The following SDK2 variants were observed in gnomAD, a reference collection of about 807,000 sequenced individuals.
SDK2 encodes the protein sidekick cell adhesion molecule 2.
SDK2 carries 105 observed loss-of-function variants against 253.9 expected under a neutral mutation model. The observed-to-expected ratio is 0.41, with a 90% CI of 0.35 to 0.49. SDK2 has a LOEUF of 0.49. Ranked by LOEUF, SDK2 falls within the 20% of genes least tolerant of loss-of-function variation. The pLI is 0.06. For synonymous variants in SDK2, 1,249 were observed against 1,234.9 expected, an observed-to-expected ratio of 1.01 and a Z score of -0.24; for missense variants, 2,608 against 3,003.0, an observed-to-expected ratio of 0.87 and a Z score of 3.07.
chr17:73,432,448 GTGGATGTGTTTATTTCCA>G (rs950885107), intron 10 of SDK2, among the ~76,000 whole-genome samples: 33 of 152,278 alleles, frequency 2.2e-4, no homozygotes, highest in African/African-American at 7.2e-4. Context: ...AGTGTGCTGG[GTGGATGTGTTTATTTCCA>G]TGTGTAAGCA....
In SDK2 at chr17:73,470,014, A is replaced by G. The variant is rs1442048892; in HGVS notation, c.331+2098T>C. ...CGCGCACACACACACACACACACAC[A>G]CACACACACACACACACACAGAGGT... On this transcript the variant is annotated intron_variant, in intron 3 of 44. Transcript: ENST00000392650. Among the ~76,000 whole-genome samples the G allele has an allele frequency of 2.1e-4, 32 of 151,760 alleles. No homozygotes were observed. The South Asian group carries it at 6.3e-3, about 30-fold the overall frequency.
intron 1 of SDK2, among the ~76,000 whole-genome samples, chr17:73,548,538 C>T (rs979213889): frequency 7.9e-5 from 12 of 152,370 alleles, no homozygotes; most frequent in East Asian, 1.9e-4. Context: ...ACACAGAAAC[C>T]GATGCCAAGG....
chr17:73,412,084 GTATA>G (rs2063140189), intron 18 of SDK2, among the ~76,000 whole-genome samples: 3 of 114,554 alleles, frequency 2.6e-5, no homozygotes, highest in African/African-American at 3.7e-5. Flanking sequence ...ATATGTATAT[GTATA>G]TATACGTATA....
Position 73,361,737 on chromosome 17 carries a change from G to C in SDK2, c.5414C>G (p.Thr1805Ser), listed in dbSNP as rs959233679. Reference protein sequence around the residue: ...VTYRFRIRAKTFTYGPEIEAN... With the variant: ...VTYRFRIRAKSFTYGPEIEAN... ...TTCGATCTCCGGCCCGTAGGTGAAG[G>C]TCTTGGCTCTGATGCGGAACCTGTA... is the stretch of plus-strand genomic sequence containing the variant. Residue 1805 changes from threonine to serine, a missense_variant, in exon 39 of 45, where the codon ACC becomes AGC. Thr to Ser is a moderately conservative substitution (Grantham distance 58). Transcript: ENST00000392650. The surrounding 1 kb of genome is among the most constrained non-coding windows in gnomAD (Gnocchi z 4.1). The C allele has an allele frequency of 1.2e-6, 2 of 1,613,534 alleles. No individual in the cohort carries two copies. The highest frequency in any genetic ancestry group is 1.3e-5 in the African/African-American group (1 of 74,910).
At chr17:73,515,537 G>A (rs554008416) in intron 1 of SDK2, among the ~76,000 whole-genome samples, 47 of 152,352 alleles carry the variant, frequency 3.1e-4, no homozygotes, top group African/African-American at 1.1e-3. Flanking sequence ...CAGGGGGTGA[G>A]GGTTTCAGGT....
chr17:73,475,722 G>GA (rs1370622180), intron 2 of SDK2, among the ~76,000 whole-genome samples: 14 of 152,204 alleles, frequency 9.2e-5, no homozygotes, highest in Non-Finnish European at 1.8e-4. Flanking sequence ...AAAAGCACGC[G>GA]ATAGCAAGAT....
At position 73,509,902 on chromosome 17, in the gene SDK2, C is replaced by CAAAAAAAAAAAAAAAAAAAAAAA. The variant is rs71157018; in HGVS notation, c.65-2306_65-2305insTTTTTTTTTTTTTTTTTTTTTTT. 6.0e-3 allele frequency among the ~76,000 whole-genome samples: 153 copies of CAAAAAAAAAAAAAAAAAAAAAAA among 25,328 alleles called. 18 individuals carry two copies. The highest frequency in any genetic ancestry group is 7.1e-3 in the Admixed American group (16 of 2,248). 16.6% of individuals were successfully genotyped at this position (25,328 alleles called of 152,430 possible). A position where few individuals can be genotyped will look rare whatever the true frequency, so the allele number is the denominator to read the frequency against. ...GCAACAGAGCAAGACTCCATCTCTA[C>CAAAAAAAAAAAAAAAAAAAAAAA]AAAAAAAAAAAAAAAAAAAAGAAGG... On this transcript the variant is annotated intron_variant, in intron 1 of 44. Transcript: ENST00000392650.
rs936634093 is a variant in SDK2 at position 73,612,583 on chromosome 17, G to A, written c.64+31442C>T. 8.5e-5 allele frequency among the ~76,000 whole-genome samples: 13 copies of A among 152,190 alleles called. No individual in the cohort carries two copies. Among genetic ancestry groups the A allele is most frequent in the African/African-American group, 2.4e-4 (10 of 41,510 alleles). On this transcript the variant is annotated intron_variant, in intron 1 of 44. Transcript: ENST00000392650. The surrounding 1 kb of genome is among the most constrained non-coding windows in gnomAD (Gnocchi z 4.4). ...TCTGACCCCTTCAGAACTTGGGGGC[G>A]GTGGCAAAATGAGAAGCCCAGAGAG...
intron 2 of SDK2, among the ~76,000 whole-genome samples, chr17:73,485,211 G>A (rs1367328896): frequency 6.6e-6 from 1 of 152,146 alleles, no homozygotes; most frequent in Non-Finnish European, 1.5e-5. Context: ...AGAGGTGGGA[G>A]CTGGGCCTCT....
intron 2 of SDK2, among the ~76,000 whole-genome samples, chr17:73,493,810 G>T (rs1383051858): frequency 6.6e-6 from 1 of 152,200 alleles, no homozygotes; most frequent in Non-Finnish European, 1.5e-5. Flanking sequence ...AGCTGTGCAT[G>T]GGCACACAGG....
intron 1 of SDK2, among the ~76,000 whole-genome samples, chr17:73,523,092 A>C (rs866665053): frequency 1.9e-4 from 29 of 152,304 alleles, no homozygotes; most frequent in Middle Eastern, 3.4e-3. Flanking sequence ...CCAAGGGAGA[A>C]TTGGAGCTAG....
chr17:73,391,353 C>G, intron 28 of SDK2, 87 bp downstream of exon 28: 1 of 687,170 alleles, frequency 1.5e-6, no homozygotes, highest in East Asian at 3.4e-5. Context: ...CCTACTCTCC[C>G]TCAAGCTGGT....
chr17:73,412,119 TAC>T (rs1293907369), intron 18 of SDK2, among the ~76,000 whole-genome samples: 36 of 45,464 alleles, frequency 7.9e-4, no homozygotes, highest in Middle Eastern at 0.019. Context: ...TATATATGTA[TAC>T]GTATATATGT....
intron 2 of SDK2, among the ~76,000 whole-genome samples, chr17:73,482,882 C>T (rs992886162): frequency 3.3e-5 from 5 of 152,192 alleles, no homozygotes; most frequent in Non-Finnish European, 7.3e-5. Flanking sequence ...GTAGCAGCAT[C>T]GGGTTGTGAG....
intron 2 of SDK2, among the ~76,000 whole-genome samples, chr17:73,483,661 G>GTGTGTGTGTGTGTGTATA (rs1388091890): frequency 4.3e-5 from 3 of 70,190 alleles, no homozygotes; most frequent in South Asian, 4.6e-4. Context: ...GTGTGTGTGT[G>GTGTGTGTGTGTGTGTATA]TATATATATA....
intron 1 of SDK2, among the ~76,000 whole-genome samples, chr17:73,619,154 G>A (rs1237662543): frequency 2.8e-5 from 4 of 144,564 alleles, no homozygotes; most frequent in Non-Finnish European, 4.5e-5. Context: ...GCAACAGAGC[G>A]AGACCCTGTC....
chr17:73,394,210 T>A lies in SDK2; in HGVS notation c.3707A>T (p.Lys1236Met), dbSNP rs1203604538. The change falls in exon 26 of 45, where the codon AAG (lysine) becomes ATG (methionine). Residue 1236 changes from lysine (K) to methionine (M), a missense_variant and splice_region_variant. Around this residue, in one of 2 missense-constraint regions of SDK2, gnomAD observed 1,505 missense variants for 1,859.1 expected, o/e 0.81. Transcript: ENST00000392650. ...ACCTCCTGGGATCCCGGGACTCACC[T>A]TATAGCCCAGCACGAGCCCGTTGCG... is the stretch of plus-strand genomic sequence containing the variant. The part of the protein sequence containing the change: ...ADRNGLVLGY[K>M]VMYKEKDSDT... 4.5e-6 allele frequency: 7 copies of A among 1,555,732 alleles called. No individual in the cohort carries two copies. The highest frequency in any genetic ancestry group is 6.1e-6 in the Non-Finnish European group (7 of 1,145,876).
At position 73,379,171 on chromosome 17, in the gene SDK2, C is replaced by T; in HGVS notation, c.4980+6G>A. 2.6e-6 allele frequency: 4 copies of T among 1,552,412 alleles called. No homozygotes were observed. The highest frequency in any genetic ancestry group is 1.2e-5 in the South Asian group (1 of 84,104). The stretch of plus-strand genomic sequence containing the variant: ...CACCCCTTTGCTCTGCCCGAGGGCA[C>T]CCTACCTTGTACCCCTGGATGTCTC... On this transcript the variant is annotated splice_donor_region_variant and intron_variant, in intron 36 of 44. Transcript: ENST00000392650. The surrounding 1 kb of genome is among the most constrained non-coding windows in gnomAD (Gnocchi z 4.5).
At chr17:73,560,855 A>G (rs2045222376) in intron 1 of SDK2, among the ~76,000 whole-genome samples, 1 of 152,192 alleles carries the variant, frequency 6.6e-6, no homozygotes, top group Non-Finnish European at 1.5e-5. Flanking sequence ...ATTCAGGAGC[A>G]CACAGGCTCC....
Sources: allele counts gnomAD v4.1 joint callset (sites outside exome capture counted in the v4.1 genomes callset), GRCh38; gene constraint gnomAD v4.1.1; regional missense constraint gnomAD v4.1.1; non-coding constraint Gnocchi (gnomAD v3.1); transcripts MANE v1.5; gene names NCBI Gene and HGNC (gene_info 2026-07-23, HGNC 2026-07-21).